The following RHCE variants were observed in gnomAD, a reference collection of about 807,000 sequenced individuals.
The protein encoded by RHCE is Rh blood group CcEe antigens.
In RHCE, 22 loss-of-function variants were observed where a neutral mutation model predicts 43.8. The observed-to-expected ratio is 0.50, with a 90% CI of 0.36 to 0.72. RHCE has a LOEUF of 0.72. Among genes scored for constraint, RHCE ranks in the 30% least tolerant of loss-of-function variants. RHCE has a pLI of 0.00. For missense variants in RHCE, 385 were observed against 525.4 expected (o/e 0.73, Z 2.61); for synonymous variants, 156 against 210.7 (o/e 0.74, Z 2.25).
chr1:25,416,967 CAG>C (rs1474603495), intron 1 of RHCE, among the ~76,000 whole-genome samples: 89 of 149,706 alleles, frequency 5.9e-4, no homozygotes, highest in African/African-American at 2.1e-3. Context: ...TATATGAAAA[CAG>C]AGAGAACAGC....
At position 25,371,224 on chromosome 1, in the gene RHCE, T is replaced by C. The variant is rs1163360838; in HGVS notation, c.1154-684A>G. ...GGGCTACTATGGAGGGCGACTCCAG[T>C]TGGGTGCTCCTATAGGTCTGTCTTC... On this transcript the variant is annotated intron_variant, in intron 8 of 9. Transcript: ENST00000294413. Among the ~76,000 whole-genome samples the C allele has an allele frequency of 2.0e-5, 3 of 151,252 alleles. 1 individual carries two copies. The highest frequency in any genetic ancestry group is 7.4e-5 in the African/African-American group (3 of 40,712).
At chr1:25,382,585 A>C (rs1449254839) in intron 7 of RHCE, among the ~76,000 whole-genome samples, 2 of 151,762 alleles carry the variant, frequency 1.3e-5, no homozygotes, top group Admixed American at 1.3e-4. Context: ...CCATGATAAC[A>C]GTCTCCCTGC....
Position 25,397,121 on chromosome 1 carries a change from A to G in RHCE, c.487-4980T>C, listed in dbSNP as rs867588270. Reference sequence around the variant, plus strand: ...AGCAAGACTCTGTCTCAAAAAAAAAAAAAAAAAAAAAAGAAATGTACACTG... The same window carrying G: ...AGCAAGACTCTGTCTCAAAAAAAAAGAAAAAAAAAAAAGAAATGTACACTG... On this transcript the variant is annotated intron_variant, in intron 3 of 9. Transcript: ENST00000294413. 7.1e-4 allele frequency among the ~76,000 whole-genome samples: 101 copies of G among 143,232 alleles called. 1 individual carries two copies. Among genetic ancestry groups the G allele is most frequent in the African/African-American group, 2.6e-3 (88 of 34,142 alleles). 94.0% of individuals were successfully genotyped at this position (143,232 alleles called of 152,430 possible). A position where few individuals can be genotyped will look rare whatever the true frequency, so the allele number is the denominator to read the frequency against.
chr1:25,413,112 C>G (rs1425502359), intron 1 of RHCE, among the ~76,000 whole-genome samples: 3 of 152,116 alleles, frequency 2.0e-5, no homozygotes, highest in Non-Finnish European at 4.4e-5. Flanking sequence ...TTCCCTGATT[C>G]CAGGTATATG....
intron 2 of RHCE, among the ~76,000 whole-genome samples, chr1:25,428,035 C>T (rs568997028): frequency 6.7e-4 from 102 of 152,318 alleles, no homozygotes; most frequent in African/African-American, 2.3e-3. Flanking sequence ...AGTCCTAGAG[C>T]TCAACAGTAA....
At chr1:25,392,910 C>CA (rs1249706039) in intron 3 of RHCE, among the ~76,000 whole-genome samples, 3 of 152,070 alleles carry the variant, frequency 2.0e-5, no homozygotes, top group Admixed American at 2.0e-4. Context: ...TTAGGTGTGG[C>CA]AAAAACCCAC....
upstream of RHCE, among the ~76,000 whole-genome samples, chr1:25,424,866 G>C (rs1293629792): frequency 6.6e-6 from 1 of 151,788 alleles, no homozygotes; most frequent in African/African-American, 2.4e-5. Flanking sequence ...ACCCAGGCTG[G>C]AATGCAGTGG....
At chr1:25,402,206 G>GTCTATCTATCTA (rs56985100) in intron 3 of RHCE, among the ~76,000 whole-genome samples, 4,055 of 130,430 alleles carry the variant, frequency 0.031, 90 homozygotes, top group East Asian at 0.042. Context: ...CTGTCTGTCT[G>GTCTATCTATCTA]TCTATCTATC....
chr1:25,405,562 G>C (rs1318753632), intron 2 of RHCE, among the ~76,000 whole-genome samples: 5 of 151,174 alleles, frequency 3.3e-5, no homozygotes, highest in Non-Finnish European at 2.9e-5. Context: ...GCTGAGGTGG[G>C]AGGATCACTT....
rs550734111 is a variant in RHCE at position 25,418,676 on chromosome 1, C to T, written c.148+1963G>A. 7.2e-5 allele frequency among the ~76,000 whole-genome samples: 11 copies of T among 152,336 alleles called. No homozygotes were observed. The South Asian group carries it at 2.1e-3, about 29-fold the overall frequency. On this transcript the variant is annotated intron_variant, in intron 1 of 9. Coordinates refer to ENST00000294413, the MANE Select transcript of RHCE (RefSeq NM_020485.8). ...CTCAGTCTGCTCTAGTGTGTGCACA[C>T]GCAATGGCACCCACTGTGCCCTCAC... is the stretch of plus-strand genomic sequence containing the variant.
At chr1:25,422,251 C>T (rs1339893045), upstream of RHCE, among the ~76,000 whole-genome samples, 1 of 152,198 alleles carries the variant, frequency 6.6e-6, no homozygotes, top group Non-Finnish European at 1.5e-5. Flanking sequence ...GGACATGAAA[C>T]TTGCTACCAA....
intron 2 of RHCE, among the ~76,000 whole-genome samples, chr1:25,403,633 T>G (rs941195614): frequency 1.7e-4 from 26 of 151,234 alleles, no homozygotes; most frequent in Non-Finnish European, 2.4e-4. Context: ...GCTAGTGGGG[T>G]TCATTGGAAG....
chr1:25,390,827 G>C lies in RHCE; in HGVS notation c.723C>G (p.Thr241=), dbSNP rs766463369. ...CCACACTGACTGCTAGAGCATAGTA[G>C]GTGTTGAACATGGCATTCTTCCTTT... ...PIQRKNAMFN[T]YYALAVSVVT... Residue 241 remains threonine, a synonymous_variant, in exon 5 of 10, where the codon ACC becomes ACG. Coordinates refer to ENST00000294413, the MANE Select transcript of RHCE (RefSeq NM_020485.8). 2 of 1,614,238 alleles carry C rather than the reference G, an allele frequency of 1.2e-6. No homozygotes were observed. Among genetic ancestry groups the C allele is most frequent in the Admixed American group, 3.3e-5 (2 of 60,032 alleles).
chr1:25,373,802 A>AT (rs1645686866), intron 8 of RHCE, among the ~76,000 whole-genome samples: 1 of 151,378 alleles, frequency 6.6e-6, no homozygotes, highest in Non-Finnish European at 1.5e-5. Context: ...TGCTTGTAGA[A>AT]TAACAAGTTC....
upstream of RHCE, among the ~76,000 whole-genome samples, chr1:25,421,569 C>T (rs603748): frequency 2.7e-3 from 406 of 151,864 alleles, 2 homozygotes; most frequent in African/African-American, 9.5e-3. Context: ...TACAGTGCAT[C>T]TGAGGAAGGC....
intron 1 of RHCE, among the ~76,000 whole-genome samples, chr1:25,416,769 A>G (rs1226916918): frequency 7.2e-6 from 1 of 139,840 alleles, no homozygotes; most frequent in Non-Finnish European, 1.5e-5. Flanking sequence ...GGCATGTGCC[A>G]CCACACTGGG....
rs922552216 is a variant in RHCE, at chr1:25,376,612, C to A, written c.1074-1184G>T. Among the ~76,000 whole-genome samples, 35 of 152,226 alleles carry A rather than the reference C, an allele frequency of 2.3e-4. No homozygotes were observed. The South Asian group carries it at 5.6e-3, about 24-fold the overall frequency. ...GGAGAGAATTAAAAAGAATTACCTGCAGACTAGAAAAATAAATTAAGGCCG... is the reference window on the plus strand; with the variant it reads ...GGAGAGAATTAAAAAGAATTACCTGAAGACTAGAAAAATAAATTAAGGCCG... On this transcript the variant is annotated intron_variant, in intron 7 of 9. Coordinates refer to ENST00000294413, the MANE Select transcript of RHCE (RefSeq NM_020485.8).
At chr1:25,422,464 T>C (rs186579996), upstream of RHCE, among the ~76,000 whole-genome samples, 2 of 152,390 alleles carry the variant, frequency 1.3e-5, no homozygotes, top group African/African-American at 4.8e-5. Flanking sequence ...TTTTGCTTTA[T>C]ACATTTTCAG....
intron 9 of RHCE, among the ~76,000 whole-genome samples, chr1:25,369,534 C>T (rs1032092701): frequency 6.6e-6 from 1 of 151,346 alleles, no homozygotes; most frequent in Non-Finnish European, 1.5e-5. Context: ...CCTTCTTCAC[C>T]TTCTTTCTAG....
Sources: gnomAD v4.1 joint callset for allele counts (sites outside exome capture counted in the v4.1 genomes callset) on GRCh38, gnomAD v4.1.1 for gene constraint, MANE v1.5 for transcripts, NCBI Gene and HGNC (gene_info 2026-07-23, HGNC 2026-07-21) for gene names.